Variants in ZKSCAN5 observed in about 807,000 individuals in gnomAD.
ZKSCAN5 encodes zinc finger with KRAB and SCAN domains 5.
In ZKSCAN5, 28 loss-of-function variants were observed where a neutral mutation model predicts 60.0. The observed-to-expected ratio is 0.47, with a 90% CI of 0.35 to 0.64. The LOEUF is 0.64. Among genes scored for constraint, ZKSCAN5 ranks in the 30% least tolerant of loss-of-function variants. The pLI is 0.01. For synonymous variants in ZKSCAN5, 361 were observed against 371.2 expected, an observed-to-expected ratio of 0.97 and a Z score of 0.31; for missense variants, 881 against 1,034.6, an observed-to-expected ratio of 0.85 and a Z score of 2.04.
At chr7:99,510,072 C>T (rs545968910) in intron 2 of ZKSCAN5, among the ~76,000 whole-genome samples, 1 of 151,494 alleles carries the variant, frequency 6.6e-6, no homozygotes, top group South Asian at 2.1e-4. Flanking sequence ...GCTAGGACTA[C>T]AGGCACTTGC....
chr7:99,517,846 C>CA (rs34620664), intron 3 of ZKSCAN5, among the ~76,000 whole-genome samples: 71 of 129,964 alleles, frequency 5.5e-4, no homozygotes, highest in Middle Eastern at 4.3e-3. Flanking sequence ...GACCTTGTCT[C>CA]AAAAAAAAAA....
At chr7:99,528,260 C>G (rs1359269148) in intron 6 of ZKSCAN5, among the ~76,000 whole-genome samples, 1 of 151,466 alleles carries the variant, frequency 6.6e-6, no homozygotes, top group African/African-American at 2.4e-5. Context: ...TTTTCCCGTT[C>G]TACTCGATGA....
intron 3 of ZKSCAN5, chr7:99,513,724 T>C (rs1310842223): frequency 5.6e-6 from 2 of 354,530 alleles, no homozygotes; most frequent in African/African-American, 2.2e-5. Context: ...TTAATGCTTA[T>C]GTTAAAAAAA....
intron 1 of ZKSCAN5, 45 bp downstream of exon 1, chr7:99,504,778 G>T (rs1800633875): frequency 6.6e-6 from 1 of 152,564 alleles, no homozygotes; most frequent in African/African-American, 2.4e-5. Flanking sequence ...CGAGGATGCG[G>T]GTGAAGAAAA....
At chr7:99,525,298 C>G (rs1008735851) in intron 5 of ZKSCAN5, among the ~76,000 whole-genome samples, 2 of 151,998 alleles carry the variant, frequency 1.3e-5, no homozygotes, top group Non-Finnish European at 2.9e-5. Context: ...ATAATGAGAC[C>G]CTCATCTCTA....
chr7:99,519,929 C>G lies in ZKSCAN5; in HGVS notation c.636+20C>G, dbSNP rs371240553. On this transcript the variant is annotated intron_variant, in intron 4 of 6. Transcript: ENST00000326775. ...TCCCAGGTGAGCTGGTGCCCCTTTG[C>G]CCTCAGAGAGGACCCATCCTGAACC... The G allele has an allele frequency of 9.9e-6, 16 of 1,612,746 alleles. No homozygotes were observed. In the African/African-American group the frequency reaches 2.0e-4, roughly 20 times the overall value.
In ZKSCAN5 at chr7:99,512,537, G is replaced by C; in HGVS notation, c.499G>C (p.Val167Leu). ...GTCCTGCAGCCCCCATCCCCTGACCGTGGACACCCAGCCTGAGCAAGCGCC... is the reference window on the plus strand; with the variant it reads ...GTCCTGCAGCCCCCATCCCCTGACCCTGGACACCCAGCCTGAGCAAGCGCC... The part of the protein sequence containing the change: ...QESCSPHPLT[V>L]DTQPEQAPQK... Residue 167 changes from valine (V) to leucine (L), a missense_variant, in exon 3 of 7, where the codon GTG becomes CTG. By Grantham distance (32) the Val-to-Leu change is conservative (BLOSUM62 1). Around this residue, in one of 5 missense-constraint regions of ZKSCAN5, gnomAD observed 490 missense variants for 554.5 expected, o/e 0.88. Transcript: ENST00000326775. 6.2e-7 allele frequency: 1 copy of C among 1,614,080 alleles called. No individual in the cohort carries two copies. Among genetic ancestry groups the C allele is most frequent in the Non-Finnish European group, 8.5e-7 (1 of 1,179,974 alleles).
At chr7:99,520,382 TA>T in intron 5 of ZKSCAN5, 78 bp downstream of exon 5, 1 of 1,475,960 alleles carries the variant, frequency 6.8e-7, no homozygotes, top group South Asian at 1.4e-5. Context: ...GCTCATCTTA[TA>T]ATGGCATTTA....
chr7:99,529,464 A>T (rs184813917), intron 6 of ZKSCAN5, among the ~76,000 whole-genome samples: 4 of 152,104 alleles, frequency 2.6e-5, no homozygotes, highest in Non-Finnish European at 5.9e-5. Flanking sequence ...TTATCAACTC[A>T]TTGCTCAACG....
In ZKSCAN5 at chr7:99,532,151, A is replaced by T. The variant is rs1424033223; in HGVS notation, c.2422A>T (p.Met808Leu). 3 of 1,613,892 alleles carry T rather than the reference A, an allele frequency of 1.9e-6. No individual in the cohort carries two copies. Among genetic ancestry groups the T allele is most frequent in the Non-Finnish European group, 2.5e-6 (3 of 1,180,028 alleles). The change falls in exon 7 of 7, where the codon ATG becomes TTG. Residue 808 changes from methionine (M) to leucine (L), a missense_variant. This residue lies in a region of ZKSCAN5 where 138 missense variants were observed against 143.8 expected (regional missense o/e 0.96). Coordinates refer to ENST00000326775, the MANE Select transcript of ZKSCAN5 (RefSeq NM_145102.4). Reference sequence around the variant, plus strand: ...ACCTTTTCAATGTAAAGAATGTGGAATGAATTTCAGCTGGAGTTGTAGCCT... The same window carrying T: ...ACCTTTTCAATGTAAAGAATGTGGATTGAATTTCAGCTGGAGTTGTAGCCT... ...EKPFQCKECG[M>L]NFSWSCSLFK...
At chr7:99,512,821 T>C (rs1801100282) in intron 3 of ZKSCAN5, among the ~76,000 whole-genome samples, 1 of 151,620 alleles carries the variant, frequency 6.6e-6, no homozygotes, top group African/African-American at 2.4e-5. Context: ...TTCTTTTATT[T>C]ATTTATTTAT....
At chr7:99,529,969 C>T (rs541301571) in intron 6 of ZKSCAN5, among the ~76,000 whole-genome samples, 6 of 147,704 alleles carry the variant, frequency 4.1e-5, no homozygotes, top group Admixed American at 6.8e-5. Flanking sequence ...TTCCTGACCT[C>T]GTGATCCACC....
At chr7:99,526,443 G>T in intron 6 of ZKSCAN5, 25 bp downstream of exon 6, 1 of 1,578,160 alleles carries the variant, frequency 6.3e-7, no homozygotes, top group Non-Finnish European at 8.6e-7. Flanking sequence ...TTTATATCCG[G>T]GGGATAAATG....
chr7:99,532,477 T>C lies in ZKSCAN5; in HGVS notation c.*228T>C, dbSNP rs1023612593. The C allele has an allele frequency of 2.5e-6, 1 of 405,702 alleles. No individual in the cohort carries two copies. The highest frequency in any genetic ancestry group is 4.3e-6 in the Non-Finnish European group (1 of 231,560). 25.1% of individuals were successfully genotyped at this position (405,702 alleles called of 1,614,324 possible). On this transcript the variant is annotated 3_prime_UTR_variant, in exon 7 of 7. Transcript: ENST00000326775. ...TAGTTAGCATCTTCATGCTTGGAAATCTAGACAAGAAGAGAATCCATGGAT... is the reference window on the plus strand; with the variant it reads ...TAGTTAGCATCTTCATGCTTGGAAACCTAGACAAGAAGAGAATCCATGGAT...
At chr7:99,520,358 A>G (rs983999663) in intron 5 of ZKSCAN5, 54 bp downstream of exon 5, 1 of 1,538,012 alleles carries the variant, frequency 6.5e-7, no homozygotes, top group Non-Finnish European at 8.7e-7. Flanking sequence ...GTTATCTTGT[A>G]AAGAGTATTT....
rs758446454 is a variant in ZKSCAN5, at chr7:99,531,904, C to T, written c.2175C>T (p.Ala725=). The T allele has an allele frequency of 3.1e-6, 5 of 1,614,106 alleles. No individual in the cohort carries two copies. In the Admixed American group the frequency reaches 6.7e-5, roughly 22 times the overall value. ...QPYQCDICGK[A]FGYSSDLIQH... Reference sequence around the variant, plus strand: ...ATCAGTGTGATATCTGTGGAAAAGCCTTTGGTTATAGCTCAGACCTCATTC... The same window carrying T: ...ATCAGTGTGATATCTGTGGAAAAGCTTTTGGTTATAGCTCAGACCTCATTC... Residue 725 remains alanine, a synonymous_variant, in exon 7 of 7, where the codon GCC becomes GCT. Transcript: ENST00000326775.
At chr7:99,517,911 G>A (rs1043954351) in intron 3 of ZKSCAN5, among the ~76,000 whole-genome samples, 7 of 152,062 alleles carry the variant, frequency 4.6e-5, no homozygotes, top group Admixed American at 6.6e-5. Context: ...CCTGGGCCAC[G>A]GGCCGTGGGT....
In ZKSCAN5 at chr7:99,532,273, C is replaced by T. The variant is rs1055312756; in HGVS notation, c.*24C>T. ...AGAATAGCTCTTAATTTTAGAGAAA[C>T]CTTCCTGGAGGGAAACCATACTCCT... On this transcript the variant is annotated 3_prime_UTR_variant, in exon 7 of 7. Transcript: ENST00000326775. The T allele has an allele frequency of 3.3e-6, 5 of 1,529,778 alleles. No individual in the cohort carries two copies. In the South Asian group the frequency reaches 5.3e-5, roughly 16 times the overall value. 94.8% of individuals were successfully genotyped at this position (1,529,778 alleles called of 1,614,324 possible). A position where few individuals can be genotyped will look rare whatever the true frequency, so the allele number is the denominator to read the frequency against.
chr7:99,531,226 T>G lies in ZKSCAN5; in HGVS notation c.1497T>G (p.Asp499Glu). ...KTQRNVSQVQ[D>E]FGEGCEFQGK... Reference sequence around the variant, plus strand: ...AAAGAAATGTTTCTCAAGTTCAAGATTTTGGAGAAGGCTGTGAGTTTCAAG... The same window carrying G: ...AAAGAAATGTTTCTCAAGTTCAAGAGTTTGGAGAAGGCTGTGAGTTTCAAG... Residue 499 changes from aspartate to glutamate, a missense_variant, in exon 7 of 7, where the codon GAT becomes GAG. By Grantham distance (45) the Asp-to-Glu change is conservative (BLOSUM62 2). Transcript: ENST00000326775. 2.5e-6 allele frequency: 4 copies of G among 1,614,078 alleles called. No homozygotes were observed. Among genetic ancestry groups the G allele is most frequent in the Non-Finnish European group, 3.4e-6 (4 of 1,180,014 alleles).
Sources: gnomAD v4.1 joint callset for allele counts (sites outside exome capture counted in the v4.1 genomes callset) on GRCh38, gnomAD v4.1.1 for gene constraint, gnomAD v4.1.1 regional missense constraint, MANE v1.5 for transcripts, NCBI Gene and HGNC (gene_info 2026-07-23, HGNC 2026-07-21) for gene names.